Variants in ANO3 observed in about 807,000 individuals in gnomAD.
ANO3 encodes the protein anoctamin-3.
A neutral mutation model predicts 144.8 loss-of-function variants in ANO3; 99 were observed. The observed-to-expected ratio is 0.68, with a 90% CI of 0.58 to 0.81. The LOEUF is 0.81. Among genes scored for constraint, ANO3 ranks in the 30% least tolerant of loss-of-function variants. The probability of loss-of-function intolerance (pLI) is 0.00; values close to 1 mark genes in which losing one functional copy is unlikely to be tolerated. For missense variants in ANO3, 905 were observed against 1,202.2 expected, an observed-to-expected ratio of 0.75 and a Z score of 3.66; for synonymous variants, 414 against 392.6, an observed-to-expected ratio of 1.05 and a Z score of -0.64.
intron 1 of ANO3, among the ~76,000 whole-genome samples, chr11:26,217,994 G>A (rs1031674691): frequency 6.6e-6 from 1 of 151,994 alleles, no homozygotes; most frequent in Non-Finnish European, 1.5e-5. Flanking sequence ...CAGAGAATGT[G>A]GTCACAGCCA....
intron 1 of ANO3, among the ~76,000 whole-genome samples, chr11:26,294,301 T>C (rs188641381): frequency 5.7e-4 from 87 of 152,306 alleles, no homozygotes; most frequent in African/African-American, 2.0e-3. Flanking sequence ...CTCTGTGTAT[T>C]TTAGTGTTTA....
At chr11:26,305,992 G>A (rs990496398), upstream of ANO3, among the ~76,000 whole-genome samples, 2 of 151,780 alleles carry the variant, frequency 1.3e-5, no homozygotes, top group African/African-American at 4.8e-5. Flanking sequence ...CTCGCTTCTC[G>A]CTGTCGCCCA....
intron 24 of ANO3, among the ~76,000 whole-genome samples, chr11:26,652,578 C>CATTATGT (rs1012595122): frequency 3.3e-5 from 5 of 152,232 alleles, no homozygotes; most frequent in African/African-American, 1.2e-4. Context: ...TTTTCTCATA[C>CATTATGT]ATTATGTATT....
chr11:26,465,568 T>C (rs1257587633), intron 4 of ANO3, among the ~76,000 whole-genome samples: 1 of 151,796 alleles, frequency 6.6e-6, no homozygotes, highest in Non-Finnish European at 1.5e-5. Flanking sequence ...ATAACAAGTA[T>C]TAAATTACAG....
Position 26,378,414 on chromosome 11 carries a change from A to AT in ANO3, c.46+46095dup, listed in dbSNP as rs1460911946. Reference sequence around the variant, plus strand: ...ATCTATATATTATCTATCTATATATATTATTTATCTATCTATCTATCATCT... The same window carrying AT: ...ATCTATATATTATCTATCTATATATATTTATTTATCTATCTATCTATCATCT... On this transcript the variant is annotated intron_variant, in intron 1 of 26. Transcript: ENST00000256737. Among the ~76,000 whole-genome samples the AT allele has an allele frequency of 3.8e-4, 11 of 28,710 alleles. No individual in the cohort carries two copies. In the East Asian group the frequency reaches 0.02, roughly 52 times the overall value. 18.8% of individuals were successfully genotyped at this position (28,710 alleles called of 152,430 possible).
At chr11:26,634,890 T>C (rs1852900857) in intron 19 of ANO3, 123 bp from the exon 20 acceptor site, 2 of 719,324 alleles carry the variant, frequency 2.8e-6, no homozygotes, top group South Asian at 1.8e-5. Context: ...AGAAGTCAAC[T>C]GGGGACAGAT....
intron 1 of ANO3, among the ~76,000 whole-genome samples, chr11:26,192,569 C>A (rs1851499062): frequency 6.6e-6 from 1 of 152,136 alleles, no homozygotes; most frequent in African/African-American, 2.4e-5. Context: ...TATTAGGTAT[C>A]TCATAATACA....
intron 1 of ANO3, among the ~76,000 whole-genome samples, chr11:26,257,777 A>AACTCCTGTTT (rs112225170): frequency 0.14 from 21,183 of 152,074 alleles, 2,065 homozygotes; most frequent in African/African-American, 0.29. Context: ...ATGGAAAACA[A>AACTCCTGTTT]AGATAAGCGA....
intron 1 of ANO3, among the ~76,000 whole-genome samples, chr11:26,285,349 T>C (rs1853781456): frequency 1.3e-5 from 2 of 152,234 alleles, no homozygotes; most frequent in Admixed American, 6.5e-5. Flanking sequence ...AGACATGTTG[T>C]ATGAAATTTG....
chr11:26,511,082 C>T (rs1861646327), intron 5 of ANO3, among the ~76,000 whole-genome samples: 1 of 152,114 alleles, frequency 6.6e-6, no homozygotes, highest in South Asian at 2.1e-4. Flanking sequence ...AAATAAATTG[C>T]CAGGACAGCA....
At chr11:26,437,240 C>G (rs1858328609) in intron 1 of ANO3, among the ~76,000 whole-genome samples, 1 of 152,186 alleles carries the variant, frequency 6.6e-6, no homozygotes, top group Admixed American at 6.5e-5. Flanking sequence ...CCACTTTTGC[C>G]AGGAAGCCTG....
At chr11:26,311,132 G>T (rs933648252) in intron 1 of ANO3, among the ~76,000 whole-genome samples, 1 of 152,038 alleles carries the variant, frequency 6.6e-6, no homozygotes, top group Non-Finnish European at 1.5e-5. Flanking sequence ...ACAGATTCTG[G>T]GATAACATTA....
chr11:26,588,809 T>C (rs1449570577), intron 14 of ANO3, among the ~76,000 whole-genome samples: 2 of 152,232 alleles, frequency 1.3e-5, no homozygotes, highest in Non-Finnish European at 2.9e-5. Context: ...TTTTTGCTTT[T>C]CTTTGTAGCT....
intron 4 of ANO3, among the ~76,000 whole-genome samples, chr11:26,491,599 A>T (rs1277499764): frequency 1.3e-5 from 2 of 152,224 alleles, no homozygotes; most frequent in Non-Finnish European, 2.9e-5. Context: ...AGGCCACACG[A>T]GGTGTCAGGA....
chr11:26,550,804 A>G (rs1298726589), intron 12 of ANO3, among the ~76,000 whole-genome samples: 2 of 151,912 alleles, frequency 1.3e-5, no homozygotes, highest in African/African-American at 2.4e-5. Context: ...GGATTGCTGA[A>G]TCATATGGTA....
At chr11:26,286,868 C>T (rs756747958) in intron 1 of ANO3, among the ~76,000 whole-genome samples, 2 of 152,152 alleles carry the variant, frequency 1.3e-5, no homozygotes, top group Admixed American at 1.3e-4. Context: ...TTTTTAGAGT[C>T]GTTAGCTTTG....
chr11:26,658,985 C>T (rs1300651367), intron 26 of ANO3, among the ~76,000 whole-genome samples: 1 of 151,814 alleles, frequency 6.6e-6, no homozygotes, highest in East Asian at 1.9e-4. Flanking sequence ...ATTGAAATAT[C>T]TACTCTTCTT....
At chr11:26,603,599 T>G (rs1374830763) in intron 17 of ANO3, among the ~76,000 whole-genome samples, 1 of 152,074 alleles carries the variant, frequency 6.6e-6, no homozygotes, top group Non-Finnish European at 1.5e-5. Flanking sequence ...TGAATGTTAT[T>G]TAAGAACATG....
At chr11:26,423,037 A>G (rs1039180344) in intron 1 of ANO3, among the ~76,000 whole-genome samples, 2 of 151,968 alleles carry the variant, frequency 1.3e-5, no homozygotes, top group African/African-American at 4.8e-5. Flanking sequence ...TGTTTGTTTC[A>G]TCTTTAATGT....
Sources: allele counts gnomAD v4.1 joint callset (sites outside exome capture counted in the v4.1 genomes callset), GRCh38; gene constraint gnomAD v4.1.1; transcripts MANE v1.5; gene names NCBI Gene and HGNC (gene_info 2026-07-23, HGNC 2026-07-21).